The following CEP83 variants were observed in gnomAD, a reference collection of about 807,000 sequenced individuals.
CEP83 encodes centrosomal protein of 83 kDa.
A neutral mutation model predicts 101.9 loss-of-function variants in CEP83; 70 were observed. The ratio of observed to expected loss-of-function variants is 0.69; its 90% confidence interval spans 0.57 to 0.84. The LOEUF (loss-of-function observed/expected upper bound fraction) is 0.84. Among genes scored for constraint, CEP83 ranks in the 40% least tolerant of loss-of-function variants. The pLI is 0.00. For missense variants in CEP83, 715 were observed against 787.2 expected, an observed-to-expected ratio of 0.91 and a Z score of 1.10; for synonymous variants, 264 against 267.9, an observed-to-expected ratio of 0.99 and a Z score of 0.14.
chr12:94,370,351 G>T (rs56288927), intron 8 of CEP83, among the ~76,000 whole-genome samples: 1 of 151,986 alleles, frequency 6.6e-6, no homozygotes, highest in Non-Finnish European at 1.5e-5. Context: ...ATCTGCAGGG[G>T]AAAAAACCCT....
intron 6 of CEP83, among the ~76,000 whole-genome samples, chr12:94,385,030 G>A (rs889875723): frequency 6.6e-6 from 1 of 152,114 alleles, no homozygotes; most frequent in African/African-American, 2.4e-5. Context: ...GTATTAGCTG[G>A]CTTTTTGTGA....
chr12:94,412,817 T>C (rs2063982318), intron 2 of CEP83, among the ~76,000 whole-genome samples: 1 of 151,162 alleles, frequency 6.6e-6, no homozygotes, highest in Non-Finnish European at 1.5e-5. Context: ...GCTTCCTGAA[T>C]AGCTGGGATT....
the CEP83 span, among the ~76,000 whole-genome samples, chr12:94,295,622 C>T: frequency 6.6e-6 from 1 of 152,134 alleles, no homozygotes. Context: ...TACCTCTGTC[C>T]TATCATCAGC....
chr12:94,282,997 G>T, the CEP83 span, among the ~76,000 whole-genome samples: 2 of 152,302 alleles, frequency 1.3e-5, no homozygotes, highest in African/African-American at 4.8e-5. Flanking sequence ...AGGCAGTGAA[G>T]GTTCCTGAAC....
intron 11 of CEP83, among the ~76,000 whole-genome samples, chr12:94,351,300 C>T (rs908047169): frequency 6.6e-6 from 1 of 152,126 alleles, no homozygotes; most frequent in African/African-American, 2.4e-5. Flanking sequence ...GTACAGGGAG[C>T]TGCTTGGAGT....
At chr12:94,303,714 C>CT, downstream of CEP83, 1 of 605,174 alleles carries the variant, frequency 1.7e-6, no homozygotes, top group South Asian at 3.8e-5. Context: ...TTTTTTTTTA[C>CT]TCTTTTGGTG....
rs2065909266 is a variant in CEP83 at position 94,435,321 on chromosome 12, C to T, written c.-148G>A. On this transcript the variant is annotated 5_prime_UTR_variant, in exon 2 of 17. Coordinates refer to ENST00000397809, the MANE Select transcript of CEP83 (RefSeq NM_016122.3). ...AGATCCTCAATCCAGAGGTGTCCTCCCTATACCTGTAGGAGAGAAGACACA... is the reference window on the plus strand; with the variant it reads ...AGATCCTCAATCCAGAGGTGTCCTCTCTATACCTGTAGGAGAGAAGACACA... The T allele has an allele frequency of 6.6e-6, 1 of 152,156 alleles. No homozygotes were observed. Among genetic ancestry groups the T allele is most frequent in the Non-Finnish European group, 1.5e-5 (1 of 68,034 alleles). The allele number at this position is 152,156 out of a possible 1,614,324, so 9.4% of individuals were successfully genotyped here.
chr12:94,450,985 A>ACTTATAGACATGAG (rs1318399284), intron 1 of CEP83, among the ~76,000 whole-genome samples: 2 of 152,216 alleles, frequency 1.3e-5, no homozygotes, highest in East Asian at 3.8e-4. Flanking sequence ...TGGAGTAAGG[A>ACTTATAGACATGAG]TAGGTTTATA....
At chr12:94,315,694 A>T (rs1197594337) in intron 14 of CEP83, among the ~76,000 whole-genome samples, 8 of 144,878 alleles carry the variant, frequency 5.5e-5, no homozygotes, top group African/African-American at 1.5e-4. Context: ...TAGAAGCTTT[A>T]TTTTTTTTTT....
At chr12:94,361,705 A>ATT (rs796659419) in intron 11 of CEP83, among the ~76,000 whole-genome samples, 9 of 146,266 alleles carry the variant, frequency 6.2e-5, no homozygotes, top group African/African-American at 2.2e-4. Flanking sequence ...CTGCAAACTA[A>ATT]TTTTTTTTTT....
chr12:94,324,327 G>T (rs2058875941), intron 14 of CEP83, among the ~76,000 whole-genome samples: 1 of 152,126 alleles, frequency 6.6e-6, no homozygotes, highest in South Asian at 2.1e-4. Flanking sequence ...CTATCCAAAT[G>T]ACCTAATTCT....
At chr12:94,377,099 C>G (rs1220709010) in intron 7 of CEP83, among the ~76,000 whole-genome samples, 2 of 152,086 alleles carry the variant, frequency 1.3e-5, no homozygotes, top group Admixed American at 1.3e-4. Flanking sequence ...AGTTTTATAA[C>G]ATCTCATTTC....
At chr12:94,305,490 C>T (rs761295046), downstream of CEP83, 16 of 491,696 alleles carry the variant, frequency 3.3e-5, no homozygotes, top group African/African-American at 7.8e-5. Flanking sequence ...GGGAACCCTT[C>T]TGTAAATAGA....
chr12:94,380,956 A>AT (rs2061817254), intron 6 of CEP83, among the ~76,000 whole-genome samples: 1 of 152,156 alleles, frequency 6.6e-6, no homozygotes, highest in East Asian at 1.9e-4. Context: ...ATTAGATTCC[A>AT]TGTTTATAAC....
chr12:94,269,275 CTATCTA>C, the CEP83 span, among the ~76,000 whole-genome samples: 1 of 152,166 alleles, frequency 6.6e-6, no homozygotes. Flanking sequence ...CTTCATTCTC[CTATCTA>C]TAAGAAAGTT....
chr12:94,425,679 T>C (rs2065140378), intron 2 of CEP83, among the ~76,000 whole-genome samples: 1 of 152,216 alleles, frequency 6.6e-6, no homozygotes, highest in African/African-American at 2.4e-5. Flanking sequence ...TAATTTACGT[T>C]TTCCTGAAGC....
At chr12:94,286,882 A>C in the CEP83 span, among the ~76,000 whole-genome samples, 5 of 152,266 alleles carry the variant, frequency 3.3e-5, no homozygotes, top group South Asian at 1.0e-3. Context: ...CATTTGAAGA[A>C]CAGGTTTCTA....
At chr12:94,416,508 A>T (rs2064274249) in intron 2 of CEP83, among the ~76,000 whole-genome samples, 1 of 151,978 alleles carries the variant, frequency 6.6e-6, no homozygotes, top group South Asian at 2.1e-4. Context: ...GAGCCTAGCA[A>T]GATAATATGT....
chr12:94,301,194 T>C, the CEP83 span: 28 of 565,884 alleles, frequency 4.9e-5, no homozygotes, highest in African/African-American at 4.5e-4. Context: ...CACTGTCAAT[T>C]TGCTGTTATT....
Sources: gnomAD v4.1 joint callset for allele counts (sites outside exome capture counted in the v4.1 genomes callset) on GRCh38, gnomAD v4.1.1 for gene constraint, MANE v1.5 for transcripts, NCBI Gene and HGNC (gene_info 2026-07-23, HGNC 2026-07-21) for gene names.